The following NAGA variants were observed in gnomAD, a reference collection of about 807,000 sequenced individuals.
The protein encoded by NAGA is Acetylgalactosaminidase, alpha-N- (alpha-galactosidase B).
In NAGA, 42 loss-of-function variants were observed where a neutral mutation model predicts 45.6. The ratio of observed to expected loss-of-function variants is 0.92; its 90% CI spans 0.72 to 1.19. NAGA has a LOEUF of 1.19. Ranked by LOEUF, NAGA falls within the 50% of genes most tolerant of loss-of-function variation. NAGA has a pLI of 0.00. For synonymous variants in NAGA, 176 were observed against 203.1 expected, an observed-to-expected ratio of 0.87 and a Z score of 1.13; for missense variants, 493 against 544.8, an observed-to-expected ratio of 0.90 and a Z score of 0.95.
chr22:42,064,139 G>A (rs1047061712), intron 6 of NAGA, among the ~76,000 whole-genome samples: 1 of 151,588 alleles, frequency 6.6e-6, no homozygotes, highest in East Asian at 1.9e-4. Flanking sequence ...TCAGGAGTTC[G>A]AAACCAGCCT....
rs773254588 is a variant in NAGA at position 42,068,468 on chromosome 22, G to C, written c.123C>G (p.Asn41Lys). The C allele has an allele frequency of 1.2e-6, 2 of 1,614,198 alleles. No individual in the cohort carries two copies. The highest frequency in any genetic ancestry group is 8.5e-7 in the Non-Finnish European group (1 of 1,180,038). ...LAWERFRCNI[N>K]CDEDPKNCIS... ...TGCAGTTCTTTGGGTCCTCATCACAGTTAATGTTGCAGCGGAAGCGTTCCC... is the reference window on the plus strand; with the variant it reads ...TGCAGTTCTTTGGGTCCTCATCACACTTAATGTTGCAGCGGAAGCGTTCCC... Residue 41 changes from asparagine to lysine, a missense_variant, in exon 2 of 9, where the codon AAC becomes AAG. Physicochemically the swap from Asn to Lys is moderately conservative, Grantham distance 94 (BLOSUM62 0). Coordinates refer to ENST00000396398, the MANE Select transcript of NAGA (RefSeq NM_000262.3).
At chr22:42,068,110 G>A (rs1429067776) in intron 2 of NAGA, among the ~76,000 whole-genome samples, 174 bp from the exon 3 acceptor site, 1 of 152,224 alleles carries the variant, frequency 6.6e-6, no homozygotes, top group Non-Finnish European at 1.5e-5. Flanking sequence ...AAGCAAGCTG[G>A]CTTGAAAGGA....
Position 42,070,528 on chromosome 22 carries a change from A to G in NAGA, c.-231T>C. 1 of 639,756 alleles carries G rather than the reference A, an allele frequency of 1.6e-6. No individual in the cohort carries two copies. The highest frequency in any genetic ancestry group is 2.9e-6 in the Non-Finnish European group (1 of 350,400). The allele number at this position is 639,756 out of a possible 1,614,324, so 39.6% of individuals were successfully genotyped here. ...TTCAGTTCTTCCTTCAGAAATACGAAACAACGTGTCTTGGATGTCAGACCT... is the reference window on the plus strand; with the variant it reads ...TTCAGTTCTTCCTTCAGAAATACGAGACAACGTGTCTTGGATGTCAGACCT... On this transcript the variant is annotated 5_prime_UTR_variant, in exon 1 of 9. Transcript: ENST00000396398.
chr22:42,062,695 G>C, intron 7 of NAGA, 132 bp downstream of exon 7: 1 of 986,752 alleles, frequency 1.0e-6, no homozygotes, highest in Admixed American at 1.8e-5. Context: ...GCAACCAGAA[G>C]GGGTAGCCCT....
chr22:42,062,760 G>C (rs1327171708), intron 7 of NAGA, 67 bp downstream of exon 7: 2 of 1,562,272 alleles, frequency 1.3e-6, no homozygotes, highest in Non-Finnish European at 1.8e-6. Context: ...CAGGGAGGCT[G>C]GCAGCCTTTC....
rs1926182970 is a variant in NAGA, at chr22:42,058,498, A to T, written c.*1781T>A. The T allele has an allele frequency of 6.6e-6, 1 of 152,170 alleles. No individual in the cohort carries two copies. The highest frequency in any genetic ancestry group is 1.5e-5 in the Non-Finnish European group (1 of 68,038). 9.4% of individuals were successfully genotyped at this position (152,170 alleles called of 1,614,324 possible). A position where few individuals can be genotyped will look rare whatever the true frequency, so the allele number is the denominator to read the frequency against. On this transcript the variant is annotated 3_prime_UTR_variant, in exon 9 of 9. Transcript: ENST00000396398. ...AAGTCTGTATTTAACTGAAAAAAAAAAATAATTGCATTCCTAACTGGCCTT... is the reference window on the plus strand; with the variant it reads ...AAGTCTGTATTTAACTGAAAAAAAATAATAATTGCATTCCTAACTGGCCTT...
At chr22:42,066,263 G>C (rs1482785284) in intron 5 of NAGA, among the ~76,000 whole-genome samples, 2 of 152,288 alleles carry the variant, frequency 1.3e-5, no homozygotes, top group African/African-American at 4.8e-5. Flanking sequence ...AGCTCCAGAG[G>C]CCTGAGCCCA....
At chr22:42,070,235 T>C (rs938538416) in intron 1 of NAGA, 47 bp downstream of exon 1, 1 of 1,611,192 alleles carries the variant, frequency 6.2e-7, no homozygotes, top group East Asian at 2.2e-5. Flanking sequence ...GCACTCCTTG[T>C]AGCACTCACC....
In NAGA at chr22:42,070,243, A is replaced by AC. The variant is rs754164361; in HGVS notation, c.16+38dup. On this transcript the variant is annotated intron_variant, in intron 1 of 8. Coordinates refer to ENST00000396398, the MANE Select transcript of NAGA (RefSeq NM_000262.3). ...GGCCAAAGCACTCCTTGTAGCACTC[A>AC]CCCCTACCCTTCCAAGCCACCCCAG... The AC allele has an allele frequency of 3.2e-5, 51 of 1,613,106 alleles. No homozygotes were observed. In the Admixed American group the frequency reaches 4.5e-4, roughly 14 times the overall value.
chr22:42,062,954 G>A lies in NAGA; in HGVS notation c.830C>T (p.Ala277Val). The change falls in exon 7 of 9, where the codon GCA (alanine) becomes GTA (valine). Residue 277 changes from alanine (A) to valine (V), a missense_variant. Transcript: ENST00000396398. ...RAQMALWTVL[A>V]APLLMSTDLR... ...GTCTGTGGACATCAAGAGGGGGGCTGCCAGCACCGTCCACAGGGCCATCTG... is the reference window on the plus strand; with the variant it reads ...GTCTGTGGACATCAAGAGGGGGGCTACCAGCACCGTCCACAGGGCCATCTG... The A allele has an allele frequency of 6.2e-7, 1 of 1,614,200 alleles. No homozygotes were observed. Among genetic ancestry groups the A allele is most frequent in the Non-Finnish European group, 8.5e-7 (1 of 1,180,034 alleles).
rs12166807 is a variant in NAGA, at chr22:42,062,681, A to G, written c.957+146T>C. The stretch of plus-strand genomic sequence containing the variant: ...GCAGCTCCCATCAGAGTCCTCAACC[A>G]TAAGCAACCAGAAGGGGTAGCCCTG... On this transcript the variant is annotated intron_variant, in intron 7 of 8. Coordinates refer to ENST00000396398, the MANE Select transcript of NAGA (RefSeq NM_000262.3). 6.3e-3 allele frequency: 5,613 copies of G among 885,134 alleles called. 214 individuals carry two copies. In the African/African-American group the frequency reaches 0.082, roughly 13 times the overall value. The allele number at this position is 885,134 out of a possible 1,614,324, so 54.8% of individuals were successfully genotyped here. A position where few individuals can be genotyped will look rare whatever the true frequency, so the allele number is the denominator to read the frequency against.
At chr22:42,067,984 C>G (rs564295427) in intron 2 of NAGA, 48 bp from the exon 3 acceptor site, 1 of 1,556,242 alleles carries the variant, frequency 6.4e-7, no homozygotes, top group South Asian at 1.1e-5. Flanking sequence ...CAGCCCGGCC[C>G]TCACCCACAC....
At chr22:42,063,557 G>T (rs936577545) in intron 6 of NAGA, among the ~76,000 whole-genome samples, 1 of 152,186 alleles carries the variant, frequency 6.6e-6, no homozygotes, top group Non-Finnish European at 1.5e-5. Context: ...TCCAGATACT[G>T]TATGAAAAAA....
chr22:42,068,717 A>G, intron 1 of NAGA, 143 bp from the exon 2 acceptor site: 1 of 1,201,618 alleles, frequency 8.3e-7, no homozygotes, highest in Non-Finnish European at 1.1e-6. Context: ...GGTTTAGGGT[A>G]GAATTGGCTC....
intron 1 of NAGA, among the ~76,000 whole-genome samples, chr22:42,069,116 C>T (rs1425682524): frequency 1.3e-5 from 2 of 152,150 alleles, no homozygotes; most frequent in Non-Finnish European, 2.9e-5. Context: ...GTGGCATGCG[C>T]TGTACTCGGG....
At chr22:42,061,951 C>CAAAAAAA (rs36076400) in intron 7 of NAGA, among the ~76,000 whole-genome samples, 1 of 82,398 alleles carries the variant, frequency 1.2e-5, no homozygotes, top group Non-Finnish European at 2.3e-5. Context: ...GACTCCATCT[C>CAAAAAAA]AAAAAAAAAA....
chr22:42,065,013 C>A (rs1454826410), intron 6 of NAGA, among the ~76,000 whole-genome samples: 5 of 152,170 alleles, frequency 3.3e-5, no homozygotes, highest in Admixed American at 1.3e-4. Flanking sequence ...ACCCTCAACC[C>A]TATAAGGTAG....
chr22:42,062,294 T>C (rs1926452158), intron 7 of NAGA, among the ~76,000 whole-genome samples: 1 of 151,966 alleles, frequency 6.6e-6, no homozygotes, highest in Non-Finnish European at 1.5e-5. Context: ...GCCAACATGG[T>C]GTCTCTACTA....
At chr22:42,064,618 C>T (rs920430648) in intron 6 of NAGA, among the ~76,000 whole-genome samples, 3 of 152,106 alleles carry the variant, frequency 2.0e-5, no homozygotes, top group African/African-American at 4.8e-5. Flanking sequence ...GCACTCCAGC[C>T]TGGGCGACAG....
Sources: gnomAD v4.1 joint callset for allele counts (sites outside exome capture counted in the v4.1 genomes callset) on GRCh38, gnomAD v4.1.1 for gene constraint, MANE v1.5 for transcripts, NCBI Gene and HGNC (gene_info 2026-07-23, HGNC 2026-07-21) for gene names.